Variants in ROR1 observed in about 807,000 individuals in gnomAD.
The protein encoded by ROR1 is ROR family WNT receptor 1.
ROR1 carries 19 observed loss-of-function variants against 78.8 expected under a neutral mutation model. The observed-to-expected ratio is 0.24, with a 90% CI of 0.17 to 0.35. The LOEUF (loss-of-function observed/expected upper bound fraction) is 0.35, where lower values mean the gene tolerates loss of function less well. ROR1 is among the 10% of genes least tolerant of loss of function. ROR1 has a pLI of 1.00. For missense variants in ROR1, 917 were observed against 1,177.8 expected (o/e 0.78, Z 3.24); for synonymous variants, 386 against 433.6 (o/e 0.89, Z 1.36).
chr1:64,160,094 T>C (rs7515787), intron 8 of ROR1, among the ~76,000 whole-genome samples: 50,141 of 151,918 alleles, frequency 0.33, 8,694 homozygotes, highest in Middle Eastern at 0.42. Context: ...CATAAGAACA[T>C]TCATTCATTC....
At chr1:63,957,501 C>A (rs10889457) in intron 1 of ROR1, among the ~76,000 whole-genome samples, 1 of 152,036 alleles carries the variant, frequency 6.6e-6, no homozygotes, top group Non-Finnish European at 1.5e-5. Context: ...GAGGACCCCC[C>A]CTTGCATCCT....
At chr1:64,045,557 G>T (rs567671955) in intron 2 of ROR1, among the ~76,000 whole-genome samples, 1 of 152,150 alleles carries the variant, frequency 6.6e-6, no homozygotes, top group East Asian at 1.9e-4. Flanking sequence ...CTATCCTACA[G>T]CATGGACTCT....
chr1:64,025,709 T>A (rs1006870528), intron 2 of ROR1, among the ~76,000 whole-genome samples: 2 of 152,144 alleles, frequency 1.3e-5, no homozygotes, highest in Non-Finnish European at 2.9e-5. Flanking sequence ...TTAATGACAT[T>A]TGAAGCAACC....
intron 1 of ROR1, among the ~76,000 whole-genome samples, chr1:63,877,451 G>A (rs575789234): frequency 9.2e-5 from 14 of 152,218 alleles, no homozygotes; most frequent in Admixed American, 4.6e-4. Context: ...TAAGGCACTC[G>A]TGTAAGATCT....
chr1:63,859,671 G>A (rs1430077605), intron 1 of ROR1, among the ~76,000 whole-genome samples: 3 of 152,130 alleles, frequency 2.0e-5, no homozygotes, highest in Non-Finnish European at 2.9e-5. Context: ...TGGACTGACT[G>A]TAAGGCCCTC....
intron 1 of ROR1, among the ~76,000 whole-genome samples, chr1:63,800,732 A>G (rs374127113): frequency 9.2e-5 from 14 of 152,326 alleles, no homozygotes; most frequent in African/African-American, 3.4e-4. Context: ...CAAGATCCTC[A>G]GGTAATTCAT....
At chr1:63,900,179 C>T (rs142795814) in intron 1 of ROR1, among the ~76,000 whole-genome samples, 245 of 152,238 alleles carry the variant, frequency 1.6e-3, no homozygotes, top group African/African-American at 5.5e-3. Flanking sequence ...GTTGGCCGGG[C>T]GTGGTGACTC....
intron 4 of ROR1, among the ~76,000 whole-genome samples, chr1:64,059,798 TCCTAC>T (rs975349190): frequency 5.3e-5 from 8 of 151,894 alleles, no homozygotes; most frequent in Admixed American, 5.2e-4. Context: ...CCAGTAAGTC[TCCTAC>T]CCTTTGCCAA....
chr1:63,914,362 GCC>G (rs1645593580), intron 1 of ROR1, among the ~76,000 whole-genome samples: 1 of 152,198 alleles, frequency 6.6e-6, no homozygotes, highest in Non-Finnish European at 1.5e-5. Flanking sequence ...AACCCTGCGT[GCC>G]TGGTTTATTG....
intron 1 of ROR1, among the ~76,000 whole-genome samples, chr1:63,821,404 T>C (rs1466898566): frequency 6.6e-6 from 1 of 152,210 alleles, no homozygotes; most frequent in Non-Finnish European, 1.5e-5. Flanking sequence ...TTGTTGATGG[T>C]TGATAGCATT....
chr1:63,829,490 A>C (rs1368152178), intron 1 of ROR1, among the ~76,000 whole-genome samples: 1 of 152,160 alleles, frequency 6.6e-6, no homozygotes, highest in East Asian at 1.9e-4. Context: ...TCCAGGAGGA[A>C]GGAACATAGA....
intron 4 of ROR1, among the ~76,000 whole-genome samples, chr1:64,076,307 G>C (rs1647050006): frequency 6.6e-6 from 1 of 152,142 alleles, no homozygotes; most frequent in Non-Finnish European, 1.5e-5. Context: ...TTCCCTGGTG[G>C]ATGGACACAC....
chr1:64,116,132 T>C (rs1373905485), intron 4 of ROR1, among the ~76,000 whole-genome samples: 8 of 152,206 alleles, frequency 5.3e-5, no homozygotes, highest in Non-Finnish European at 1.2e-4. Flanking sequence ...TGGTCACTAA[T>C]GAGATGAGAC....
chr1:63,965,922 C>A (rs1255810690), intron 1 of ROR1, among the ~76,000 whole-genome samples: 1 of 152,214 alleles, frequency 6.6e-6, no homozygotes, highest in African/African-American at 2.4e-5. Context: ...TATTCACTAA[C>A]TGTGTGATCT....
intron 2 of ROR1, among the ~76,000 whole-genome samples, chr1:64,015,953 A>G (rs1391369964): frequency 6.6e-6 from 1 of 152,182 alleles, no homozygotes; most frequent in East Asian, 1.9e-4. Context: ...TAAAATATAA[A>G]TCTCATCACA....
chr1:64,100,759 A>G (rs911266156), intron 4 of ROR1, among the ~76,000 whole-genome samples: 1 of 152,222 alleles, frequency 6.6e-6, no homozygotes, highest in African/African-American at 2.4e-5. Context: ...AGCATTAGCA[A>G]TCTACCCACC....
intron 4 of ROR1, among the ~76,000 whole-genome samples, chr1:64,073,679 T>C (rs986452066): frequency 1.6e-4 from 24 of 152,200 alleles, no homozygotes; most frequent in Non-Finnish European, 1.5e-5. Context: ...ATTAGATCAT[T>C]TGAAGATGGA....
At chr1:63,854,051 C>T (rs576098238) in intron 1 of ROR1, among the ~76,000 whole-genome samples, 1 of 152,222 alleles carries the variant, frequency 6.6e-6, no homozygotes, top group Non-Finnish European at 1.5e-5. Flanking sequence ...GAGCATTGGC[C>T]TCTGTGATAA....
intron 4 of ROR1, among the ~76,000 whole-genome samples, chr1:64,102,903 C>T (rs1228475456): frequency 1.3e-5 from 2 of 152,136 alleles, no homozygotes; most frequent in Non-Finnish European, 2.9e-5. Flanking sequence ...TCCCCAATTT[C>T]GACAACCAAA....
Sources: allele counts gnomAD v4.1 joint callset (sites outside exome capture counted in the v4.1 genomes callset), GRCh38; gene constraint gnomAD v4.1.1; transcripts MANE v1.5; gene names NCBI Gene and HGNC (gene_info 2026-07-23, HGNC 2026-07-21).